Variants in RBFOX1 observed in about 807,000 individuals in gnomAD.
RBFOX1 encodes the protein RNA binding protein fox-1 homolog 1.
Under a neutral mutation model 57.7 loss-of-function variants are expected in RBFOX1, and 8 were observed. That is an observed-to-expected ratio of 0.14 (90% CI 0.08 to 0.25). The LOEUF is 0.25. Ranked by LOEUF, RBFOX1 falls within the 10% of genes least tolerant of loss-of-function variation. RBFOX1 has a pLI of 1.00. For missense variants in RBFOX1, 611 were observed against 548.5 expected, an observed-to-expected ratio of 1.11 and a Z score of -1.14; for synonymous variants, 326 against 222.4, an observed-to-expected ratio of 1.47 and a Z score of -4.15.
chr16:6,565,940 T>A (rs142157510), intron 2 of RBFOX1, among the ~76,000 whole-genome samples: 1 of 152,356 alleles, frequency 6.6e-6, no homozygotes, highest in Non-Finnish European at 1.5e-5. Flanking sequence ...TTTTTGTTTT[T>A]TTCCTCACAT....
At chr16:6,153,979 A>G (rs2096821063) in intron 1 of RBFOX1, among the ~76,000 whole-genome samples, 1 of 152,214 alleles carries the variant, frequency 6.6e-6, no homozygotes. Context: ...ACAACACAAT[A>G]AAACAAATGG....
At chr16:5,303,901 C>A (rs2063866692) in intron 1 of RBFOX1, among the ~76,000 whole-genome samples, 1 of 152,096 alleles carries the variant, frequency 6.6e-6, no homozygotes, top group African/African-American at 2.4e-5. Flanking sequence ...TGCATATCAG[C>A]CTTTCAAACA....
At chr16:6,663,808 T>A (rs1324089314) in intron 3 of RBFOX1, among the ~76,000 whole-genome samples, 1 of 152,130 alleles carries the variant, frequency 6.6e-6, no homozygotes, top group Non-Finnish European at 1.5e-5. Context: ...TGAAGGGAGA[T>A]GGGGTGGAGA....
At chr16:6,479,567 G>A (rs2095337286) in intron 2 of RBFOX1, among the ~76,000 whole-genome samples, 1 of 151,972 alleles carries the variant, frequency 6.6e-6, no homozygotes, top group Non-Finnish European at 1.5e-5. Flanking sequence ...TACCCTGGGT[G>A]ATAGAACGAG....
intron 3 of RBFOX1, among the ~76,000 whole-genome samples, chr16:6,859,390 C>G (rs963213643): frequency 1.3e-5 from 2 of 151,402 alleles, no homozygotes; most frequent in Admixed American, 6.6e-5. Context: ...ACGCTTTTGC[C>G]CATACTTGGC....
chr16:6,211,542 T>C (rs958663450), intron 1 of RBFOX1, among the ~76,000 whole-genome samples: 29 of 152,162 alleles, frequency 1.9e-4, no homozygotes, highest in Admixed American at 7.2e-4. Context: ...TAGTTAACTC[T>C]TGGTCTTCTA....
intron 3 of RBFOX1, among the ~76,000 whole-genome samples, chr16:7,028,231 G>C (rs1049902219): frequency 3.9e-5 from 6 of 152,056 alleles, no homozygotes; most frequent in African/African-American, 1.4e-4. Context: ...AGCTTTCTCC[G>C]TAATAGACAG....
Position 6,640,802 on chromosome 16 carries a change from C to T in RBFOX1, c.-63-13801C>T, listed in dbSNP as rs557097572. On this transcript the variant is annotated intron_variant, in intron 2 of 15. Coordinates refer to ENST00000550418, the MANE Select transcript of RBFOX1 (RefSeq NM_018723.4). ...CTTCAGTTGGCCTTGAACCAGAATA[C>T]GTTCTCTGGGCCTCTCTGACTAGTC... Among the ~76,000 whole-genome samples, 12 of 152,200 alleles carry T rather than the reference C, an allele frequency of 7.9e-5. No homozygotes were observed. In the South Asian group the frequency reaches 2.3e-3, roughly 29 times the overall value.
intron 3 of RBFOX1, among the ~76,000 whole-genome samples, chr16:7,021,523 ATTTATAAAAT>A (rs918073473): frequency 2.4e-4 from 35 of 145,668 alleles, no homozygotes; most frequent in African/African-American, 6.9e-4. Context: ...ATTTTATAAA[ATTTATAAAAT>A]TTTATAAAAT....
intron 3 of RBFOX1, among the ~76,000 whole-genome samples, chr16:6,957,687 A>G (rs1348395826): frequency 6.6e-6 from 1 of 152,086 alleles, no homozygotes; most frequent in African/African-American, 2.4e-5. Context: ...CCTTAACCTC[A>G]GGGGAAAGTA....
intron 1 of RBFOX1, among the ~76,000 whole-genome samples, chr16:5,463,517 T>C (rs1188898342): frequency 6.6e-6 from 1 of 152,120 alleles, no homozygotes; most frequent in Non-Finnish European, 1.5e-5. Flanking sequence ...CAGTTCATGG[T>C]GGCCGGGCGT....
chr16:6,941,819 G>C (rs973195502), intron 3 of RBFOX1, among the ~76,000 whole-genome samples: 1 of 152,032 alleles, frequency 6.6e-6, no homozygotes, highest in African/African-American at 2.4e-5. Flanking sequence ...AAATAAGAAT[G>C]AGCTGCTTTT....
chr16:5,341,393 C>T (rs1483937015), intron 1 of RBFOX1, among the ~76,000 whole-genome samples: 1 of 152,092 alleles, frequency 6.6e-6, no homozygotes, highest in Non-Finnish European at 1.5e-5. Context: ...TTATACTAGT[C>T]CAGGAGAGAG....
At chr16:6,599,781 A>C (rs1315779577) in intron 2 of RBFOX1, among the ~76,000 whole-genome samples, 1 of 152,112 alleles carries the variant, frequency 6.6e-6, no homozygotes, top group Non-Finnish European at 1.5e-5. Context: ...ACTTAATGCA[A>C]CCTTCAGTTC....
chr16:6,288,744 C>G (rs1230886570), intron 1 of RBFOX1, among the ~76,000 whole-genome samples: 2 of 152,118 alleles, frequency 1.3e-5, no homozygotes, highest in African/African-American at 2.4e-5. Flanking sequence ...GGTCTTAGGT[C>G]TCTAAGCAGA....
chr16:7,025,710 T>G (rs1568424068), intron 3 of RBFOX1, among the ~76,000 whole-genome samples: 2 of 151,846 alleles, frequency 1.3e-5, no homozygotes, highest in Non-Finnish European at 2.9e-5. Flanking sequence ...CCTGCCGCAC[T>G]GCCAGTCAGG....
In RBFOX1 at chr16:5,822,175, A is replaced by G. The variant is rs542940356; in HGVS notation, c.319-45128A>G. On this transcript the variant is annotated intron_variant, in intron 3 of 19. Coordinates refer to the RBFOX1 transcript ENST00000641259. ...AGAGACTATTATTCTAAGTGAAGTA[A>G]CTCAGGAATGAAAAACCAAACATCT... 2.3e-4 allele frequency among the ~76,000 whole-genome samples: 35 copies of G among 152,342 alleles called. 1 individual carries two copies. The highest frequency in any genetic ancestry group is 2.1e-3 in the Admixed American group (32 of 15,304).
At chr16:7,164,509 T>C (rs868365577) in intron 4 of RBFOX1, among the ~76,000 whole-genome samples, 3 of 152,226 alleles carry the variant, frequency 2.0e-5, no homozygotes, top group Non-Finnish European at 4.4e-5. Flanking sequence ...AGAAATGATA[T>C]GTGTCTTTTG....
intron 3 of RBFOX1, among the ~76,000 whole-genome samples, chr16:5,780,522 G>A (rs1440170890): frequency 6.6e-6 from 1 of 152,082 alleles, no homozygotes; most frequent in Non-Finnish European, 1.5e-5. Flanking sequence ...TATACAGTGT[G>A]TATTTGTCAA....
Sources: allele counts gnomAD v4.1 joint callset (sites outside exome capture counted in the v4.1 genomes callset), GRCh38; gene constraint gnomAD v4.1.1; transcripts MANE v1.5; gene names NCBI Gene and HGNC (gene_info 2026-07-23, HGNC 2026-07-21).